Variants in EXOC6B observed in about 807,000 individuals in gnomAD.
The protein encoded by EXOC6B is SEC15 homolog B.
EXOC6B carries 54 observed loss-of-function variants against 113.5 expected under a neutral mutation model. That is an observed-to-expected ratio of 0.48 (90% CI 0.38 to 0.60). The LOEUF is 0.60. EXOC6B is among the 20% of genes least tolerant of loss of function. EXOC6B has a pLI of 0.00. For missense variants in EXOC6B, 797 were observed against 977.5 expected, an observed-to-expected ratio of 0.82 and a Z score of 2.46; for synonymous variants, 357 against 339.0, an observed-to-expected ratio of 1.05 and a Z score of -0.58.
At chr2:72,328,190 G>A (rs1688237530) in intron 20 of EXOC6B, among the ~76,000 whole-genome samples, 3 of 151,976 alleles carry the variant, frequency 2.0e-5, no homozygotes, top group Non-Finnish European at 2.9e-5. Flanking sequence ...AAACAACTTG[G>A]GCAATACAAT....
chr2:72,483,663 G>C (rs368243763), intron 16 of EXOC6B, among the ~76,000 whole-genome samples: 4 of 152,170 alleles, frequency 2.6e-5, no homozygotes, highest in African/African-American at 9.6e-5. Flanking sequence ...TTTTCAGAGA[G>C]AATATTGTCT....
intron 6 of EXOC6B, among the ~76,000 whole-genome samples, chr2:72,651,824 A>T (rs916878588): frequency 1.3e-5 from 2 of 152,132 alleles, no homozygotes; most frequent in Non-Finnish European, 2.9e-5. Flanking sequence ...CTCATTATCC[A>T]GGGTGGTCTC....
intron 20 of EXOC6B, among the ~76,000 whole-genome samples, chr2:72,275,028 A>G (rs949808752): frequency 6.6e-6 from 1 of 152,180 alleles, no homozygotes; most frequent in Admixed American, 6.5e-5. Flanking sequence ...TTGCCAGTCT[A>G]AAGCAGTGAC....
intron 6 of EXOC6B, among the ~76,000 whole-genome samples, chr2:72,585,435 T>C (rs931965105): frequency 4.0e-5 from 6 of 151,848 alleles, no homozygotes; most frequent in African/African-American, 1.5e-4. Context: ...CCATCTCTAC[T>C]AAAAATACAA....
At chr2:72,734,159 A>C (rs537594146) in intron 2 of EXOC6B, among the ~76,000 whole-genome samples, 1 of 152,310 alleles carries the variant, frequency 6.6e-6, no homozygotes, top group African/African-American at 2.4e-5. Flanking sequence ...TTTTAAAAGA[A>C]TACACTTTTG....
At chr2:72,769,850 A>C (rs1471518649) in intron 1 of EXOC6B, among the ~76,000 whole-genome samples, 2 of 152,166 alleles carry the variant, frequency 1.3e-5, no homozygotes, top group South Asian at 4.1e-4. Context: ...AGAAGAGTCA[A>C]TAGACAGCCA....
At chr2:72,515,740 T>C in intron 8 of EXOC6B, 1 of 985,914 alleles carries the variant, frequency 1.0e-6, no homozygotes, top group Non-Finnish European at 1.2e-6. Context: ...TCATGAGCTG[T>C]GTACTGGGTT....
chr2:72,791,859 A>C (rs1684688717), intron 1 of EXOC6B, among the ~76,000 whole-genome samples: 1 of 152,382 alleles, frequency 6.6e-6, no homozygotes, highest in Non-Finnish European at 1.5e-5. Flanking sequence ...TCAACATGAA[A>C]TATAATTCAG....
intron 20 of EXOC6B, among the ~76,000 whole-genome samples, chr2:72,243,866 A>G (rs61448485): frequency 0.24 from 36,436 of 152,174 alleles, 7,806 homozygotes; most frequent in African/African-American, 0.58. Flanking sequence ...AGTCTTTAGC[A>G]TGTATCCACC....
chr2:72,678,032 A>G lies in EXOC6B; in HGVS notation c.669+40071T>C, dbSNP rs188123051. On this transcript the variant is annotated intron_variant, in intron 6 of 21. Transcript: ENST00000272427. Reference sequence around the variant, plus strand: ...TAATTAAAAAAAAATATTTAAAAGAATAACAAACATGTTTTCCCTCTCAGA... The same window carrying G: ...TAATTAAAAAAAAATATTTAAAAGAGTAACAAACATGTTTTCCCTCTCAGA... Among the ~76,000 whole-genome samples, 179 of 152,318 alleles carry G rather than the reference A, an allele frequency of 1.2e-3. 1 individual carries two copies. The highest frequency in any genetic ancestry group is 1.9e-3 in the Non-Finnish European group (128 of 68,038).
At chr2:72,201,222 T>C (rs1679470301) in intron 20 of EXOC6B, among the ~76,000 whole-genome samples, 1 of 152,198 alleles carries the variant, frequency 6.6e-6, no homozygotes, top group Non-Finnish European at 1.5e-5. Context: ...ATCTAGTTCA[T>C]TTAACTGCCA....
chr2:72,712,663 G>C (rs1331796341), intron 6 of EXOC6B, among the ~76,000 whole-genome samples: 2 of 152,168 alleles, frequency 1.3e-5, no homozygotes, highest in East Asian at 3.8e-4. Flanking sequence ...CTGGAGCACT[G>C]AATCTTTCTA....
chr2:72,507,380 A>C (rs1700648420), intron 11 of EXOC6B, among the ~76,000 whole-genome samples: 1 of 152,058 alleles, frequency 6.6e-6, no homozygotes. Flanking sequence ...TTTCTTAATA[A>C]CTTTGTCAAG....
intron 1 of EXOC6B, among the ~76,000 whole-genome samples, chr2:72,751,725 G>A (rs746745119): frequency 7.2e-5 from 11 of 152,028 alleles, no homozygotes; most frequent in South Asian, 2.1e-4. Flanking sequence ...GCAGAAAGAC[G>A]AAAGACGGAA....
At chr2:72,624,140 T>C (rs552452863) in intron 6 of EXOC6B, among the ~76,000 whole-genome samples, 4 of 151,732 alleles carry the variant, frequency 2.6e-5, no homozygotes, top group African/African-American at 9.7e-5. Flanking sequence ...CAGATCATCT[T>C]TTTTTTTTCC....
chr2:72,746,276 A>G (rs1283709564), intron 1 of EXOC6B, among the ~76,000 whole-genome samples: 1 of 152,120 alleles, frequency 6.6e-6, no homozygotes, highest in African/African-American at 2.4e-5. Context: ...TTAGTAAAGT[A>G]TATACTTTAC....
chr2:72,251,270 A>C (rs1683003369), intron 20 of EXOC6B, among the ~76,000 whole-genome samples: 1 of 152,178 alleles, frequency 6.6e-6, no homozygotes, highest in South Asian at 2.1e-4. Flanking sequence ...TGTGTGTGCA[A>C]AGTGTATACA....
intron 6 of EXOC6B, among the ~76,000 whole-genome samples, chr2:72,693,182 T>C (rs1017171487): frequency 2.0e-5 from 3 of 151,978 alleles, no homozygotes; most frequent in Non-Finnish European, 4.4e-5. Flanking sequence ...GCAATCTGAG[T>C]TAACAAAAAA....
intron 6 of EXOC6B, among the ~76,000 whole-genome samples, chr2:72,708,602 G>C (rs1208762578): frequency 1.3e-5 from 2 of 152,166 alleles, no homozygotes; most frequent in Non-Finnish European, 2.9e-5. Context: ...ACAAAGAGTA[G>C]TATAAAGGAA....
Sources: allele counts gnomAD v4.1 joint callset (sites outside exome capture counted in the v4.1 genomes callset), GRCh38; gene constraint gnomAD v4.1.1; transcripts MANE v1.5; gene names NCBI Gene and HGNC (gene_info 2026-07-23, HGNC 2026-07-21).